The following UBAP1 variants were observed in gnomAD, a reference collection of about 807,000 sequenced individuals.
The protein encoded by UBAP1 is ubiquitin-associated protein 1.
In UBAP1, 5 loss-of-function variants were observed where a neutral mutation model predicts 39.0. The observed-to-expected ratio is 0.13, with a 90% CI of 0.07 to 0.27. The LOEUF (loss-of-function observed/expected upper bound fraction) is 0.27, where lower values mean the gene tolerates loss of function less well. UBAP1 is among the 10% of genes least tolerant of loss of function. UBAP1 has a pLI of 1.00. For missense variants in UBAP1, 490 were observed against 608.1 expected, an observed-to-expected ratio of 0.81 and a Z score of 2.04; for synonymous variants, 211 against 225.1, an observed-to-expected ratio of 0.94 and a Z score of 0.56.
Position 34,242,000 on chromosome 9 carries a change from C to T in UBAP1, c.975C>T (p.Asn325=), listed in dbSNP as rs561536807. ...GHHTLGLSAL[N]LDSGTEMPAL... is the part of the protein sequence containing the mutation. ...ACACTCTTGGGCTTTCAGCTTTGAACTTGGACAGTGGCACAGAGATGCCAG... is the reference window on the plus strand; with the variant it reads ...ACACTCTTGGGCTTTCAGCTTTGAATTTGGACAGTGGCACAGAGATGCCAG... Residue 325 remains asparagine, a synonymous_variant, in exon 4 of 7, where the codon AAC becomes AAT. Transcript: ENST00000297661. 4.8e-5 allele frequency: 77 copies of T among 1,614,210 alleles called. No homozygotes were observed. Among genetic ancestry groups the T allele is most frequent in the African/African-American group, 2.5e-4 (19 of 75,048 alleles).
intron 2 of UBAP1, among the ~76,000 whole-genome samples, chr9:34,227,914 T>C (rs1222312140): frequency 6.6e-6 from 1 of 150,612 alleles, no homozygotes; most frequent in Non-Finnish European, 1.5e-5. Context: ...ATTGCTTGAG[T>C]CTGGGAATTT....
intron 1 of UBAP1, among the ~76,000 whole-genome samples, chr9:34,190,486 C>T (rs1830652669): frequency 1.3e-5 from 2 of 151,218 alleles, no homozygotes; most frequent in Admixed American, 1.3e-4. Flanking sequence ...GATGGGGTTT[C>T]ACCATGTTGG....
chr9:34,198,020 C>T (rs1831160894), intron 1 of UBAP1, among the ~76,000 whole-genome samples: 3 of 152,204 alleles, frequency 2.0e-5, no homozygotes, highest in African/African-American at 4.8e-5. Flanking sequence ...GCAAGCAGGG[C>T]GTGCTGCTGG....
intron 2 of UBAP1, among the ~76,000 whole-genome samples, chr9:34,224,921 T>C (rs1832965585): frequency 6.6e-6 from 1 of 152,256 alleles, no homozygotes; most frequent in Non-Finnish European, 1.5e-5. Flanking sequence ...ACTTGCTTTC[T>C]TGGCCTAATA....
chr9:34,181,967 A>T (rs1000394102), intron 1 of UBAP1, among the ~76,000 whole-genome samples: 1 of 148,954 alleles, frequency 6.7e-6, no homozygotes, highest in Non-Finnish European at 1.5e-5. Flanking sequence ...TTTTTAATTA[A>T]AATTTTTTTT....
At chr9:34,228,902 C>A (rs998456971) in intron 2 of UBAP1, among the ~76,000 whole-genome samples, 10 of 152,004 alleles carry the variant, frequency 6.6e-5, no homozygotes, top group African/African-American at 2.4e-4. Flanking sequence ...TCTTTAAATG[C>A]CTTTTTGCCC....
chr9:34,196,225 A>G (rs1175867549), intron 1 of UBAP1, among the ~76,000 whole-genome samples: 7 of 150,050 alleles, frequency 4.7e-5, no homozygotes, highest in Admixed American at 1.3e-4. Flanking sequence ...TGCAGCCTCG[A>G]CCTTTCGGGC....
At chr9:34,242,199 C>T in intron 4 of UBAP1, 91 bp downstream of exon 4, 1 of 1,336,782 alleles carries the variant, frequency 7.5e-7, no homozygotes, top group Non-Finnish European at 1.0e-6. Flanking sequence ...TTTTTCGAGA[C>T]AGGGTCTCAT....
chr9:34,231,499 G>A (rs1222476988), intron 2 of UBAP1, among the ~76,000 whole-genome samples: 3 of 151,924 alleles, frequency 2.0e-5, no homozygotes, highest in Non-Finnish European at 4.4e-5. Context: ...GTGAGCCACC[G>A]GTCCCGGCCA....
chr9:34,233,251 T>G (rs1833522207), intron 2 of UBAP1, among the ~76,000 whole-genome samples: 1 of 148,018 alleles, frequency 6.8e-6, no homozygotes, highest in Non-Finnish European at 1.5e-5. Flanking sequence ...AGACAGAGTC[T>G]TGCTCTGTTG....
intron 2 of UBAP1, among the ~76,000 whole-genome samples, chr9:34,226,391 C>T (rs1367575315): frequency 1.3e-5 from 2 of 152,024 alleles, no homozygotes; most frequent in Admixed American, 6.6e-5. Context: ...TGCGCACCAC[C>T]ATGCCTGGCT....
rs1554650788 is a variant in UBAP1 at position 34,226,119 on chromosome 9, G to GTGTGTGTGTGTGTGTGTGTT, written c.34+5190_34+5191insTTGTGTGTGTGTGTGTGTGT. Among the ~76,000 whole-genome samples the GTGTGTGTGTGTGTGTGTGTT allele has an allele frequency of 5.7e-3, 552 of 97,406 alleles. 4 individuals carry two copies. The highest frequency in any genetic ancestry group is 0.015 in the African/African-American group (474 of 32,376). The allele number at this position is 97,406 out of a possible 152,430, so 63.9% of individuals were successfully genotyped here. A position where few individuals can be genotyped will look rare whatever the true frequency, so the allele number is the denominator to read the frequency against. ...CTCCTACTCTATTGTGTGTGTGTGT[G>GTGTGTGTGTGTGTGTGTGTT]TGTGTGTGTGTGTGTGTGTGTGTGT... On this transcript the variant is annotated intron_variant, in intron 2 of 6. Transcript: ENST00000297661.
chr9:34,205,198 G>A (rs1217170717), intron 1 of UBAP1, among the ~76,000 whole-genome samples: 1 of 151,940 alleles, frequency 6.6e-6, no homozygotes. Flanking sequence ...TGTATTTTTT[G>A]TAGAGACAGG....
At chr9:34,231,800 C>T (rs915632826) in intron 2 of UBAP1, among the ~76,000 whole-genome samples, 5 of 150,510 alleles carry the variant, frequency 3.3e-5, no homozygotes, top group South Asian at 2.1e-4. Flanking sequence ...GCCCCCACTG[C>T]GCCCGGCTCA....
intron 1 of UBAP1, among the ~76,000 whole-genome samples, chr9:34,215,028 G>T (rs1436968393): frequency 6.6e-6 from 1 of 152,150 alleles, no homozygotes; most frequent in Non-Finnish European, 1.5e-5. Context: ...ACTGCTGTGG[G>T]AATGTAAACT....
At chr9:34,243,774 G>A (rs1361814095) in intron 4 of UBAP1, among the ~76,000 whole-genome samples, 1 of 152,008 alleles carries the variant, frequency 6.6e-6, no homozygotes, top group African/African-American at 2.4e-5. Context: ...ACAGGTGTGA[G>A]CCACAGTGGC....
At chr9:34,235,687 A>G (rs1331689785) in intron 3 of UBAP1, among the ~76,000 whole-genome samples, 1 of 152,034 alleles carries the variant, frequency 6.6e-6, no homozygotes. Context: ...TACAGTGTTT[A>G]TAAAGTCAAG....
intron 1 of UBAP1, among the ~76,000 whole-genome samples, chr9:34,189,826 G>A (rs894055808): frequency 4.0e-5 from 6 of 151,602 alleles, no homozygotes; most frequent in Non-Finnish European, 7.4e-5. Flanking sequence ...AGTAGAGACG[G>A]TGTTTCTCCG....
intron 4 of UBAP1, among the ~76,000 whole-genome samples, chr9:34,249,190 A>G (rs1834338734): frequency 6.6e-6 from 1 of 152,066 alleles, no homozygotes; most frequent in South Asian, 2.1e-4. Flanking sequence ...AGCACAGTAC[A>G]TGATGTAGGG....
Sources: allele counts gnomAD v4.1 joint callset (sites outside exome capture counted in the v4.1 genomes callset), GRCh38; gene constraint gnomAD v4.1.1; transcripts MANE v1.5; gene names NCBI Gene and HGNC (gene_info 2026-07-23, HGNC 2026-07-21).